EPHA6: variants seen among roughly 807,000 people sequenced by gnomAD.
EPHA6 encodes EPH receptor A6.
A neutral mutation model predicts 112.0 loss-of-function variants in EPHA6; 50 were observed. The ratio of observed to expected loss-of-function variants is 0.45; its 90% CI spans 0.36 to 0.56. The LOEUF (loss-of-function observed/expected upper bound fraction) is 0.56, where lower values mean the gene tolerates loss of function less well. Among genes scored for constraint, EPHA6 ranks in the 20% least tolerant of loss-of-function variants. The pLI is 0.00. For missense variants in EPHA6, 1,280 were observed against 1,417.4 expected (o/e 0.90, Z 1.56); for synonymous variants, 529 against 490.7 (o/e 1.08, Z -1.03).
intron 3 of EPHA6, among the ~76,000 whole-genome samples, chr3:97,095,412 G>A (rs1286669366): frequency 2.0e-5 from 3 of 151,768 alleles, no homozygotes; most frequent in African/African-American, 7.3e-5. Context: ...GTAACAAACT[G>A]CACCTTGTGC....
At chr3:97,538,112 A>G (rs1157576902) in intron 11 of EPHA6, among the ~76,000 whole-genome samples, 1 of 152,188 alleles carries the variant, frequency 6.6e-6, no homozygotes, top group African/African-American at 2.4e-5. Flanking sequence ...CTAATAAGCA[A>G]AGTAATAATA....
At chr3:97,275,522 G>A (rs138659828) in intron 5 of EPHA6, among the ~76,000 whole-genome samples, 8 of 152,202 alleles carry the variant, frequency 5.3e-5, no homozygotes, top group African/African-American at 1.9e-4. Flanking sequence ...GAGAGTATAT[G>A]GGTTTGGCAC....
intron 4 of EPHA6, among the ~76,000 whole-genome samples, chr3:97,240,087 T>C (rs2078799134): frequency 1.3e-5 from 2 of 151,868 alleles, no homozygotes; most frequent in South Asian, 4.1e-4. Context: ...GTGATTGCCA[T>C]TCATTTCCAA....
chr3:97,743,200 A>G (rs1324824931), intron 16 of EPHA6, among the ~76,000 whole-genome samples: 2 of 152,126 alleles, frequency 1.3e-5, no homozygotes, highest in Non-Finnish European at 2.9e-5. Flanking sequence ...TATTTATTGG[A>G]ATTAAATGAA....
At chr3:97,225,123 T>G (rs1473371095) in intron 3 of EPHA6, among the ~76,000 whole-genome samples, 1 of 152,010 alleles carries the variant, frequency 6.6e-6, no homozygotes, top group Non-Finnish European at 1.5e-5. Flanking sequence ...GCCCAGCTGA[T>G]CTTTTGTATT....
chr3:97,109,207 C>A (rs934841605), intron 3 of EPHA6, among the ~76,000 whole-genome samples: 1 of 152,176 alleles, frequency 6.6e-6, no homozygotes, highest in East Asian at 1.9e-4. Flanking sequence ...ATGCAATAAT[C>A]ACTTTCCTTT....
rs538985202 is a variant in EPHA6 at position 97,226,202 on chromosome 3, A to C, written c.1115-62A>C. The C allele has an allele frequency of 2.8e-5, 39 of 1,381,354 alleles. No homozygotes were observed. The South Asian group carries it at 4.5e-4, about 16-fold the overall frequency. 85.6% of individuals were successfully genotyped at this position (1,381,354 alleles called of 1,614,324 possible). A position where few individuals can be genotyped will look rare whatever the true frequency, so the allele number is the denominator to read the frequency against. Reference sequence around the variant, plus strand: ...GAATATAAATTAAAGTATGTTGTACATGTACAAATAAAAGAATCCTAGCAA... The same window carrying C: ...GAATATAAATTAAAGTATGTTGTACCTGTACAAATAAAAGAATCCTAGCAA... On this transcript the variant is annotated intron_variant, in intron 3 of 17. Coordinates refer to ENST00000389672, the MANE Select transcript of EPHA6 (RefSeq NM_001080448.3).
chr3:96,886,232 A>G (rs2037612042), intron 2 of EPHA6, among the ~76,000 whole-genome samples: 1 of 152,010 alleles, frequency 6.6e-6, no homozygotes, highest in African/African-American at 2.4e-5. Context: ...TTCTTTGTTG[A>G]CTTTCTGTTT....
intron 5 of EPHA6, among the ~76,000 whole-genome samples, chr3:97,312,589 C>A (rs1330966636): frequency 1.3e-5 from 2 of 151,528 alleles, no homozygotes; most frequent in African/African-American, 4.8e-5. Context: ...TGGTCCCAAT[C>A]ATTTTGGATA....
chr3:97,091,960 T>C (rs538793235), intron 3 of EPHA6, among the ~76,000 whole-genome samples: 1 of 151,930 alleles, frequency 6.6e-6, no homozygotes, highest in East Asian at 1.9e-4. Context: ...GTTGGCGTTG[T>C]GGAGGGTGAT....
rs78441357 is a variant in EPHA6 at position 97,034,535 on chromosome 3, A to G, written c.1114+46542A>G. On this transcript the variant is annotated intron_variant, in intron 3 of 17. Coordinates refer to ENST00000389672, the MANE Select transcript of EPHA6 (RefSeq NM_001080448.3). Reference sequence around the variant, plus strand: ...TCTATTGACAAATGTGTTCTTTTGAAGGTTGTATCCCTTGCTTAAAGTCAC... The same window carrying G: ...TCTATTGACAAATGTGTTCTTTTGAGGGTTGTATCCCTTGCTTAAAGTCAC... Among the ~76,000 whole-genome samples, 679 of 151,968 alleles carry G rather than the reference A, an allele frequency of 4.5e-3. 6 individuals carry two copies. The highest frequency in any genetic ancestry group is 0.016 in the African/African-American group (655 of 41,508).
intron 6 of EPHA6, among the ~76,000 whole-genome samples, chr3:97,412,413 T>C (rs1329201572): frequency 1.3e-5 from 2 of 152,100 alleles, no homozygotes; most frequent in Non-Finnish European, 2.9e-5. Flanking sequence ...GTCATACATT[T>C]CTGAATTTGC....
At chr3:96,917,194 A>G (rs2039525329) in intron 2 of EPHA6, among the ~76,000 whole-genome samples, 1 of 151,894 alleles carries the variant, frequency 6.6e-6, no homozygotes, top group Non-Finnish European at 1.5e-5. Context: ...GCCGAGGCAG[A>G]TGGATCAACT....
At chr3:97,229,089 A>T (rs908911572) in intron 4 of EPHA6, among the ~76,000 whole-genome samples, 10 of 151,112 alleles carry the variant, frequency 6.6e-5, no homozygotes, top group African/African-American at 2.2e-4. Context: ...TTTCTTGCTG[A>T]TTTGTTTGAG....
intron 8 of EPHA6, among the ~76,000 whole-genome samples, chr3:97,475,720 T>G (rs1161411838): frequency 6.6e-6 from 1 of 152,112 alleles, no homozygotes; most frequent in Non-Finnish European, 1.5e-5. Context: ...ATATTTTTCC[T>G]TTACTATAAT....
intron 14 of EPHA6, among the ~76,000 whole-genome samples, chr3:97,645,252 C>G (rs2107590068): frequency 6.8e-6 from 1 of 146,726 alleles, no homozygotes; most frequent in East Asian, 2.0e-4. Context: ...ATAGCAAAGA[C>G]TTGGAACCAA....
chr3:97,657,853 C>A (rs2094146040), intron 14 of EPHA6, among the ~76,000 whole-genome samples: 2 of 151,562 alleles, frequency 1.3e-5, no homozygotes, highest in Admixed American at 6.6e-5. Flanking sequence ...TAATAAACAC[C>A]CAGGTGATTG....
intron 3 of EPHA6, among the ~76,000 whole-genome samples, chr3:96,991,626 C>T (rs927955251): frequency 3.4e-4 from 51 of 152,190 alleles, no homozygotes; most frequent in Admixed American, 4.6e-4. Flanking sequence ...ACAGTCTTCT[C>T]TCTGGATTCT....
At chr3:96,925,490 A>C (rs1228266271) in intron 2 of EPHA6, among the ~76,000 whole-genome samples, 1 of 150,502 alleles carries the variant, frequency 6.6e-6, no homozygotes, top group African/African-American at 2.4e-5. Context: ...CAGTGGTGTT[A>C]TTTCCTTTAT....
Sources: gnomAD v4.1 joint callset for allele counts (sites outside exome capture counted in the v4.1 genomes callset) on GRCh38, gnomAD v4.1.1 for gene constraint, MANE v1.5 for transcripts, NCBI Gene and HGNC (gene_info 2026-07-23, HGNC 2026-07-21) for gene names.